Variants in CYBRD1 observed in about 807,000 individuals in gnomAD.
CYBRD1 encodes plasma membrane ascorbate-dependent reductase CYBRD1.
Under a neutral mutation model 21.9 loss-of-function variants are expected in CYBRD1, and 14 were observed. The ratio of observed to expected loss-of-function variants is 0.64; its 90% CI spans 0.42 to 1.00. CYBRD1 has a LOEUF of 1.00. Among genes scored for constraint, CYBRD1 ranks in the 50% least tolerant of loss-of-function variants. The pLI is 0.00. For missense variants in CYBRD1, 328 were observed against 352.5 expected, an observed-to-expected ratio of 0.93 and a Z score of 0.56; for synonymous variants, 146 against 136.5, an observed-to-expected ratio of 1.07 and a Z score of -0.48.
At chr2:171,528,103 G>T (rs1022703830) in intron 1 of CYBRD1, among the ~76,000 whole-genome samples, 1 of 148,782 alleles carries the variant, frequency 6.7e-6, no homozygotes, top group African/African-American at 2.4e-5. Flanking sequence ...TATTTTTTTT[G>T]AGATGGAGTT....
intron 1 of CYBRD1, among the ~76,000 whole-genome samples, chr2:171,528,900 G>A (rs766814695): frequency 2.6e-5 from 4 of 152,096 alleles, no homozygotes; most frequent in Non-Finnish European, 5.9e-5. Flanking sequence ...ATACTTCTCA[G>A]CCATTTCACT....
chr2:171,528,026 T>C (rs923727110), intron 1 of CYBRD1, among the ~76,000 whole-genome samples: 1 of 152,090 alleles, frequency 6.6e-6, no homozygotes, highest in South Asian at 2.1e-4. Flanking sequence ...CCTAATAGTG[T>C]TTGAGTGGAA....
intron 1 of CYBRD1, among the ~76,000 whole-genome samples, chr2:171,524,266 T>C (rs934863594): frequency 1.3e-5 from 2 of 151,994 alleles, no homozygotes; most frequent in African/African-American, 4.8e-5. Context: ...CTCTCAGTTA[T>C]TTTGCCACTA....
chr2:171,537,794 C>T lies in CYBRD1; in HGVS notation c.194-3791C>T, dbSNP rs80030516. On this transcript the variant is annotated intron_variant, in intron 1 of 3. Transcript: ENST00000321348. ...TAGTGTTCTATATAGCACTGTAGGA[C>T]GACTAGAGTTAACAATAATATGCTA... Among the ~76,000 whole-genome samples, 313 of 152,090 alleles carry T rather than the reference C, an allele frequency of 2.1e-3. 3 individuals carry two copies. The highest frequency in any genetic ancestry group is 6.7e-3 in the African/African-American group (277 of 41,484).
At chr2:171,531,391 C>T (rs1697464311) in intron 1 of CYBRD1, among the ~76,000 whole-genome samples, 1 of 152,072 alleles carries the variant, frequency 6.6e-6, no homozygotes, top group Non-Finnish European at 1.5e-5. Context: ...TAAGATACAG[C>T]TCGGTCTGCA....
At chr2:171,541,859 T>TTA in intron 2 of CYBRD1, 66 bp downstream of exon 2, 51 of 1,234,356 alleles carry the variant, frequency 4.1e-5, no homozygotes, top group Non-Finnish European at 4.8e-5. Flanking sequence ...ATGTTTTCTT[T>TTA]TCTTTTTTTT....
chr2:171,554,407 C>A (rs1239236880), intron 3 of CYBRD1, 117 bp from the exon 4 acceptor site: 1 of 948,682 alleles, frequency 1.1e-6, no homozygotes, highest in Non-Finnish European at 1.6e-6. Flanking sequence ...TAATAGCAAG[C>A]TTTGAGAGTT....
rs1360836078 is a variant in CYBRD1 at position 171,556,369 on chromosome 2, C to T, written c.*1542C>T. 1 of 152,114 alleles carries T rather than the reference C, an allele frequency of 6.6e-6. No individual in the cohort carries two copies. The highest frequency in any genetic ancestry group is 2.4e-5 in the African/African-American group (1 of 41,418). 9.4% of individuals were successfully genotyped at this position (152,114 alleles called of 1,614,324 possible). On this transcript the variant is annotated 3_prime_UTR_variant, in exon 4 of 4. Transcript: ENST00000321348. ...GAATTGAGACTTGGAGGTGACTTTTCATGTTTGGAGTATCATCTCTGTCTG... is the reference window on the plus strand; with the variant it reads ...GAATTGAGACTTGGAGGTGACTTTTTATGTTTGGAGTATCATCTCTGTCTG...
At chr2:171,539,342 C>T (rs987007058) in intron 1 of CYBRD1, among the ~76,000 whole-genome samples, 2 of 151,928 alleles carry the variant, frequency 1.3e-5, no homozygotes, top group African/African-American at 2.4e-5. Context: ...AAAATAGCAG[C>T]GTGTGGTGGT....
Position 171,553,460 on chromosome 2 carries a change from A to G in CYBRD1, c.517A>G (p.Thr173Ala). 3 of 1,613,530 alleles carry G rather than the reference A, an allele frequency of 1.9e-6. No individual in the cohort carries two copies. The highest frequency in any genetic ancestry group is 2.5e-6 in the Non-Finnish European group (3 of 1,179,636). Residue 173 changes from threonine to alanine, a missense_variant, in exon 3 of 4, where the codon ACA (threonine) becomes GCA (alanine). Thr to Ala is a moderately conservative substitution (Grantham distance 58). Coordinates refer to ENST00000321348, the MANE Select transcript of CYBRD1 (RefSeq NM_024843.4). ...TGTCATCTTTGGAACAGTGATTGCAACAGCACTTATGGGATTGACAGAGAA... is the reference window on the plus strand; with the variant it reads ...TGTCATCTTTGGAACAGTGATTGCAGCAGCACTTATGGGATTGACAGAGAA... ...GIVIFGTVIA[T>A]ALMGLTEKLI...
chr2:171,545,659 G>T lies in CYBRD1; in HGVS notation c.402+3866G>T, dbSNP rs562986666. ...CCGCCTCGGCCTCCCAAAGTGCTGG[G>T]ATTACAGGTGTGAACCATCACGTCC... is the stretch of plus-strand genomic sequence containing the variant. On this transcript the variant is annotated intron_variant, in intron 2 of 3. Coordinates refer to ENST00000321348, the MANE Select transcript of CYBRD1 (RefSeq NM_024843.4). Among the ~76,000 whole-genome samples, 6 of 151,470 alleles carry T rather than the reference G, an allele frequency of 4.0e-5. No individual in the cohort carries two copies. The South Asian group carries it at 1.0e-3, about 26-fold the overall frequency.
At chr2:171,529,973 C>T (rs555886892) in intron 1 of CYBRD1, among the ~76,000 whole-genome samples, 55 of 152,260 alleles carry the variant, frequency 3.6e-4, no homozygotes, top group African/African-American at 1.1e-3. Context: ...TGAGGTCACC[C>T]TGGATTTAGA....
In CYBRD1 at chr2:171,529,783, T is replaced by C. The variant is rs62181672; in HGVS notation, c.193+7045T>C. ...CAGAGCTTAAAGTCCCCTTGCCCCATAGGAACCACTGTCTTTTGTAGTACT... is the reference window on the plus strand; with the variant it reads ...CAGAGCTTAAAGTCCCCTTGCCCCACAGGAACCACTGTCTTTTGTAGTACT... On this transcript the variant is annotated intron_variant, in intron 1 of 3. Coordinates refer to ENST00000321348, the MANE Select transcript of CYBRD1 (RefSeq NM_024843.4). 3.8e-3 allele frequency among the ~76,000 whole-genome samples: 575 copies of C among 152,200 alleles called. 4 individuals carry two copies. The highest frequency in any genetic ancestry group is 6.5e-3 in the Non-Finnish European group (444 of 68,000).
intron 2 of CYBRD1, among the ~76,000 whole-genome samples, chr2:171,549,939 A>G (rs934171150): frequency 6.6e-6 from 1 of 152,148 alleles, no homozygotes; most frequent in East Asian, 1.9e-4. Context: ...CTGTTTATCC[A>G]TATCTCTAGA....
chr2:171,542,024 C>CT (rs1697642893), intron 2 of CYBRD1, among the ~76,000 whole-genome samples: 1 of 151,760 alleles, frequency 6.6e-6, no homozygotes, highest in South Asian at 2.1e-4. Context: ...ACCATCGTGC[C>CT]AGGCTAATTT....
At chr2:171,526,552 A>G (rs1697389812) in intron 1 of CYBRD1, among the ~76,000 whole-genome samples, 1 of 152,188 alleles carries the variant, frequency 6.6e-6, no homozygotes, top group Non-Finnish European at 1.5e-5. Context: ...AAAATTTTAA[A>G]CTAGTGGGAA....
intron 1 of CYBRD1, among the ~76,000 whole-genome samples, chr2:171,531,634 G>A (rs1276363113): frequency 6.6e-6 from 1 of 151,996 alleles, no homozygotes; most frequent in Non-Finnish European, 1.5e-5. Flanking sequence ...GGGGTTTTTT[G>A]TTGTTTTGTT....
intron 1 of CYBRD1, among the ~76,000 whole-genome samples, chr2:171,530,555 A>C (rs557748572): frequency 3.9e-5 from 6 of 152,312 alleles, no homozygotes; most frequent in African/African-American, 1.2e-4. Context: ...ACTGTAGGGA[A>C]CTAGAGAGTG....
chr2:171,555,323 A>C lies in CYBRD1; in HGVS notation c.*496A>C, dbSNP rs1476942866. On this transcript the variant is annotated 3_prime_UTR_variant, in exon 4 of 4. Transcript: ENST00000321348. ...CAGATACCATGATGAGAGTATATTA[A>C]AGAAATTTAGGAAAGCACCTGGTTC... The C allele has an allele frequency of 6.2e-6, 1 of 160,536 alleles. No homozygotes were observed. Among genetic ancestry groups the C allele is most frequent in the African/African-American group, 2.4e-5 (1 of 41,504 alleles). The allele number at this position is 160,536 out of a possible 1,614,324, so 9.9% of individuals were successfully genotyped here.
Sources: allele counts gnomAD v4.1 joint callset (sites outside exome capture counted in the v4.1 genomes callset), GRCh38; gene constraint gnomAD v4.1.1; transcripts MANE v1.5; gene names NCBI Gene and HGNC (gene_info 2026-07-23, HGNC 2026-07-21).